The following PIK3AP1 variants were observed in gnomAD, a reference collection of about 807,000 sequenced individuals.
PIK3AP1 encodes phosphoinositide 3-kinase adapter protein 1.
A neutral mutation model predicts 88.1 loss-of-function variants in PIK3AP1; 21 were observed. The observed-to-expected ratio is 0.24, with a 90% CI of 0.17 to 0.34. PIK3AP1 has a LOEUF of 0.34. Ranked by LOEUF, PIK3AP1 falls within the 10% of genes least tolerant of loss-of-function variation. PIK3AP1 has a pLI of 1.00. For synonymous variants in PIK3AP1, 398 were observed against 400.0 expected (o/e 1.00, Z 0.06); for missense variants, 828 against 1,035.7 (o/e 0.80, Z 2.75).
intron 8 of PIK3AP1, among the ~76,000 whole-genome samples, chr10:96,636,735 A>G (rs999696971): frequency 1.3e-5 from 2 of 152,014 alleles, no homozygotes; most frequent in African/African-American, 2.4e-5. Context: ...TGATAAGGAG[A>G]CTCTGGGGCC....
chr10:96,719,188 C>G (rs1262083101), intron 1 of PIK3AP1, among the ~76,000 whole-genome samples: 1 of 152,214 alleles, frequency 6.6e-6, no homozygotes, highest in African/African-American at 2.4e-5. Flanking sequence ...TAACTACCTT[C>G]CCATCCCCTT....
chr10:96,691,354 G>A lies in PIK3AP1; in HGVS notation c.430+18213C>T, dbSNP rs529521057. ...CAAGGGAAACTCAAGATGCACCTTAGAGCAATTGTGCCCCCTTGCTGATTC... is the reference window on the plus strand; with the variant it reads ...CAAGGGAAACTCAAGATGCACCTTAAAGCAATTGTGCCCCCTTGCTGATTC... On this transcript the variant is annotated intron_variant, in intron 2 of 16. Coordinates refer to ENST00000339364, the MANE Select transcript of PIK3AP1 (RefSeq NM_152309.3). Among the ~76,000 whole-genome samples the A allele has an allele frequency of 3.3e-5, 5 of 152,332 alleles. No individual in the cohort carries two copies. The South Asian group carries it at 1.0e-3, about 32-fold the overall frequency.
intron 2 of PIK3AP1, among the ~76,000 whole-genome samples, chr10:96,660,789 G>A (rs920864100): frequency 3.9e-5 from 6 of 152,106 alleles, no homozygotes; most frequent in Admixed American, 3.9e-4. Flanking sequence ...GATAAAGTGC[G>A]GTACACCCAG....
At chr10:96,637,405 C>T (rs1444783506) in intron 8 of PIK3AP1, among the ~76,000 whole-genome samples, 2 of 151,206 alleles carry the variant, frequency 1.3e-5, no homozygotes, top group Non-Finnish European at 2.9e-5. Flanking sequence ...ACTCTGTCAC[C>T]CAGGCTGGAG....
At chr10:96,688,769 G>A (rs1402858681) in intron 2 of PIK3AP1, among the ~76,000 whole-genome samples, 1 of 151,812 alleles carries the variant, frequency 6.6e-6, no homozygotes, top group East Asian at 1.9e-4. Context: ...CTGTACTCCA[G>A]GCCTGGGTGA....
chr10:96,622,709 C>T (rs772668677), intron 11 of PIK3AP1, among the ~76,000 whole-genome samples: 1 of 152,156 alleles, frequency 6.6e-6, no homozygotes, highest in Non-Finnish European at 1.5e-5. Context: ...CCTTCAAATG[C>T]TTAGATGGTG....
At chr10:96,622,557 C>T (rs544012537) in intron 11 of PIK3AP1, among the ~76,000 whole-genome samples, 1 of 152,260 alleles carries the variant, frequency 6.6e-6, no homozygotes, top group South Asian at 2.1e-4. Context: ...CTTATCTGTC[C>T]GCACACACCC....
At chr10:96,676,654 G>GAT (rs1242180546) in intron 2 of PIK3AP1, among the ~76,000 whole-genome samples, 1 of 133,030 alleles carries the variant, frequency 7.5e-6, no homozygotes. Flanking sequence ...ATTTTCTGGG[G>GAT]TTTTTTTTTT....
chr10:96,611,362 C>A (rs964412530), intron 13 of PIK3AP1, among the ~76,000 whole-genome samples: 4 of 151,960 alleles, frequency 2.6e-5, no homozygotes, highest in Admixed American at 2.6e-4. Context: ...GCTACTTGGG[C>A]AAAAATAGCC....
At chr10:96,682,789 G>T (rs1844020519) in intron 2 of PIK3AP1, among the ~76,000 whole-genome samples, 1 of 152,110 alleles carries the variant, frequency 6.6e-6, no homozygotes, top group Non-Finnish European at 1.5e-5. Context: ...CCATCACACA[G>T]AATTAGATAC....
Position 96,631,905 on chromosome 10 carries a change from A to G in PIK3AP1, c.1376-3412T>C, listed in dbSNP as rs1408031609. On this transcript the variant is annotated intron_variant, in intron 8 of 16. Transcript: ENST00000339364. ...TCTCAAAAAACAAAACAAAACAAAA[A>G]TAAAACAAAATAAAATAAAACAGAA... Among the ~76,000 whole-genome samples, 8 of 150,344 alleles carry G rather than the reference A, an allele frequency of 5.3e-5. 1 individual carries two copies. In the South Asian group the frequency reaches 1.7e-3, roughly 32 times the overall value.
At chr10:96,659,852 G>C (rs1843662580) in intron 2 of PIK3AP1, among the ~76,000 whole-genome samples, 1 of 152,000 alleles carries the variant, frequency 6.6e-6, no homozygotes, top group Admixed American at 6.5e-5. Context: ...AATATTTAGA[G>C]TAAAAGCCAC....
chr10:96,608,268 A>C (rs541437933), intron 14 of PIK3AP1, among the ~76,000 whole-genome samples: 1 of 152,294 alleles, frequency 6.6e-6, no homozygotes, highest in Admixed American at 6.5e-5. Context: ...CCTCCTCCAC[A>C]GGTCTGAGAG....
chr10:96,628,564 A>G, intron 8 of PIK3AP1, 71 bp from the exon 9 acceptor site: 1 of 1,264,336 alleles, frequency 7.9e-7, no homozygotes, highest in Non-Finnish European at 1.2e-6. Flanking sequence ...TACAGATGGA[A>G]CTATGAGGTT....
intron 8 of PIK3AP1, chr10:96,632,881 G>A (rs1254913580): frequency 1.3e-5 from 21 of 1,611,552 alleles, no homozygotes; most frequent in Non-Finnish European, 1.4e-5. Context: ...CGAACATTCA[G>A]ACTCACAAGA....
In PIK3AP1 at chr10:96,679,529, A is replaced by C. The variant is rs569288922; in HGVS notation, c.431-22595T>G. 3.1e-3 allele frequency among the ~76,000 whole-genome samples: 460 copies of C among 149,230 alleles called. 3 individuals carry two copies. The highest frequency in any genetic ancestry group is 5.3e-3 in the Non-Finnish European group (352 of 66,948). ...GGCGACAGAGCAAGACTCCGTCTCA[A>C]AAAAAAAAAAAATTATTAATATCTG... On this transcript the variant is annotated intron_variant, in intron 2 of 16. Transcript: ENST00000339364.
At chr10:96,695,956 A>G (rs1844213441) in intron 2 of PIK3AP1, among the ~76,000 whole-genome samples, 1 of 152,146 alleles carries the variant, frequency 6.6e-6, no homozygotes, top group Admixed American at 6.5e-5. Flanking sequence ...TTGAAGAGTA[A>G]TTTTCTGTTT....
intron 8 of PIK3AP1, among the ~76,000 whole-genome samples, chr10:96,639,418 G>A (rs1843355743): frequency 6.6e-6 from 1 of 152,170 alleles, no homozygotes; most frequent in South Asian, 2.1e-4. Flanking sequence ...TATAACTAGA[G>A]CCCAAGGGGA....
intron 2 of PIK3AP1, among the ~76,000 whole-genome samples, chr10:96,698,954 G>A (rs1844257632): frequency 6.6e-6 from 1 of 152,058 alleles, no homozygotes; most frequent in Non-Finnish European, 1.5e-5. Flanking sequence ...AAGGTGGGTG[G>A]ATCACCTGAG....
Sources: allele counts gnomAD v4.1 joint callset (sites outside exome capture counted in the v4.1 genomes callset), GRCh38; gene constraint gnomAD v4.1.1; transcripts MANE v1.5; gene names NCBI Gene and HGNC (gene_info 2026-07-23, HGNC 2026-07-21).